Variants in ARSG observed in about 807,000 individuals in gnomAD.
ARSG encodes the protein arylsulfatase G.
Under a neutral mutation model 50.5 loss-of-function variants are expected in ARSG, and 37 were observed. The ratio of observed to expected loss-of-function variants is 0.73; its 90% CI spans 0.56 to 0.96. The LOEUF (loss-of-function observed/expected upper bound fraction) is 0.96. Ranked by LOEUF, ARSG falls within the 50% of genes least tolerant of loss-of-function variation. ARSG has a pLI of 0.00. For missense variants in ARSG, 629 were observed against 675.3 expected (o/e 0.93, Z 0.76); for synonymous variants, 225 against 254.6 (o/e 0.88, Z 1.11).
chr17:68,313,185 C>T (rs1555767329), intron 2 of ARSG, among the ~76,000 whole-genome samples: 2 of 151,980 alleles, frequency 1.3e-5, no homozygotes, highest in Non-Finnish European at 2.9e-5. Context: ...GGCGTGAACC[C>T]GGGAGGCAGA....
At chr17:68,428,696 A>G in the ARSG span, 1 of 673,748 alleles carries the variant, frequency 1.5e-6, no homozygotes, top group East Asian at 2.8e-5. Context: ...CTTGCCCACT[A>G]GAGGTTTGCC....
intron 2 of ARSG, among the ~76,000 whole-genome samples, chr17:68,335,626 G>A (rs984021453): frequency 1.3e-5 from 2 of 152,164 alleles, no homozygotes; most frequent in African/African-American, 2.4e-5. Flanking sequence ...GCTTCTGTGC[G>A]GGTATTGGGG....
At chr17:68,395,921 C>A (rs951174972) in intron 10 of ARSG, among the ~76,000 whole-genome samples, 4 of 152,066 alleles carry the variant, frequency 2.6e-5, no homozygotes, top group African/African-American at 9.7e-5. Context: ...AGTGAAAGAC[C>A]CTTTGGACAG....
At chr17:68,323,336 G>T (rs1599719359) in intron 2 of ARSG, among the ~76,000 whole-genome samples, 2 of 151,992 alleles carry the variant, frequency 1.3e-5, no homozygotes, top group African/African-American at 4.8e-5. Context: ...CTAGGAAAAG[G>T]ACTCAAATTA....
Position 68,420,337 on chromosome 17 carries a change from G to A in ARSG, c.1452G>A (p.Lys484=), listed in dbSNP as rs748809699. The part of the protein sequence containing the change: ...EYQAVLPEVR[K]VLADVLQDIA... ...AGGCTGTGCTGCCCGAGGTCAGAAAGGTTCTTGCAGACGTCCTCCAAGACA... is the reference window on the plus strand; with the variant it reads ...AGGCTGTGCTGCCCGAGGTCAGAAAAGTTCTTGCAGACGTCCTCCAAGACA... Residue 484 remains lysine (K), a synonymous_variant, in exon 12 of 12, where the codon AAG becomes AAA. Transcript: ENST00000621439. 3 of 1,613,992 alleles carry A rather than the reference G, an allele frequency of 1.9e-6. No individual in the cohort carries two copies. The highest frequency in any genetic ancestry group is 3.3e-5 in the Admixed American group (2 of 60,000).
intron 1 of ARSG, among the ~76,000 whole-genome samples, chr17:68,263,918 C>T (rs1311846948): frequency 4.6e-5 from 7 of 151,772 alleles, no homozygotes; most frequent in Non-Finnish European, 1.0e-4. Context: ...GGTGCAGTGG[C>T]GTGATCTCGA....
intron 1 of ARSG, among the ~76,000 whole-genome samples, chr17:68,295,306 A>C (rs1239766020): frequency 6.6e-6 from 1 of 151,988 alleles, no homozygotes; most frequent in East Asian, 1.9e-4. Context: ...CCGATGATTG[A>C]TTTCTGTCAT....
the ARSG span, among the ~76,000 whole-genome samples, chr17:68,432,504 T>C: frequency 6.6e-6 from 1 of 152,190 alleles, no homozygotes; most frequent in African/African-American, 2.4e-5. Context: ...GTCCCAGCAC[T>C]TTGGGAGGTT....
intron 2 of ARSG, among the ~76,000 whole-genome samples, chr17:68,327,197 C>T (rs2077540342): frequency 1.4e-5 from 2 of 144,164 alleles, no homozygotes; most frequent in African/African-American, 5.2e-5. Context: ...TTGAGTGGGG[C>T]GTGGGGGAGG....
intron 8 of ARSG, among the ~76,000 whole-genome samples, chr17:68,376,773 A>G (rs888122236): frequency 8.5e-5 from 13 of 152,128 alleles, no homozygotes; most frequent in African/African-American, 2.9e-4. Flanking sequence ...CCACTGATCC[A>G]AAATGACCAA....
At chr17:68,273,789 A>G in intron 1 of ARSG, 1 of 1,046,180 alleles carries the variant, frequency 9.6e-7, no homozygotes, top group Non-Finnish European at 1.4e-6. Context: ...GTTCAAAACT[A>G]CTGATCTGAG....
intron 1 of ARSG, among the ~76,000 whole-genome samples, chr17:68,284,698 T>C (rs781840036): frequency 2.6e-5 from 4 of 152,348 alleles, no homozygotes; most frequent in Middle Eastern, 3.4e-3. Context: ...CTTAGTATCA[T>C]TCATCCTACT....
intron 8 of ARSG, among the ~76,000 whole-genome samples, chr17:68,374,969 G>A (rs1465619458): frequency 1.3e-5 from 2 of 152,108 alleles, no homozygotes; most frequent in East Asian, 3.8e-4. Context: ...AGTGCCTACT[G>A]TTTTCTATTC....
At chr17:68,303,643 C>T (rs1332639602) in intron 1 of ARSG, among the ~76,000 whole-genome samples, 1 of 151,858 alleles carries the variant, frequency 6.6e-6, no homozygotes, top group African/African-American at 2.4e-5. Context: ...AGAGATGGGG[C>T]TTCACCATGT....
chr17:68,449,677 C>T, the ARSG span, among the ~76,000 whole-genome samples: 233 of 152,314 alleles, frequency 1.5e-3, no homozygotes, highest in Non-Finnish European at 2.9e-3. Context: ...CTTTGCCTTC[C>T]GCCATGAATC....
rs779930142 is a variant in ARSG at position 68,347,144 on chromosome 17, C to T, written c.426C>T (p.His142=). ...CTACAGGCAAATGGCATCTTGGACA[C>T]CACGGCTCTTATCACCCCAACTTCC... The part of the protein sequence containing the change: ...TGIIGKWHLG[H]HGSYHPNFRG... Residue 142 remains histidine, a synonymous_variant, in exon 4 of 12, where the codon CAC becomes CAT. Transcript: ENST00000621439. 9.3e-6 allele frequency: 15 copies of T among 1,614,086 alleles called. No homozygotes were observed. The highest frequency in any genetic ancestry group is 1.3e-5 in the Non-Finnish European group (15 of 1,179,994).
rs2078506445 is a variant in ARSG at position 68,346,427 on chromosome 17, C to G, written c.407-698C>G. 1.3e-5 allele frequency among the ~76,000 whole-genome samples: 2 copies of G among 152,278 alleles called. 1 individual carries two copies. Among genetic ancestry groups the G allele is most frequent in the South Asian group, 4.1e-4 (2 of 4,822 alleles). The stretch of plus-strand genomic sequence containing the variant: ...CGTTTGAGCGGTTTAATGCTGCCAG[C>G]GTCTCAATCTTTGTACCACATTCTT... On this transcript the variant is annotated intron_variant, in intron 3 of 11. Transcript: ENST00000621439.
downstream of ARSG, chr17:68,422,826 A>G (rs2082894569): frequency 6.6e-6 from 1 of 151,966 alleles, no homozygotes; most frequent in Non-Finnish European, 1.5e-5. Context: ...TAGTCTCACA[A>G]AATACAGAGA....
At chr17:68,326,257 A>C (rs2077498700) in intron 2 of ARSG, among the ~76,000 whole-genome samples, 1 of 152,206 alleles carries the variant, frequency 6.6e-6, no homozygotes, top group Non-Finnish European at 1.5e-5. Flanking sequence ...AGGCGAAATG[A>C]GAGCTGAAGC....
Sources: gnomAD v4.1 joint callset for allele counts (sites outside exome capture counted in the v4.1 genomes callset) on GRCh38, gnomAD v4.1.1 for gene constraint, MANE v1.5 for transcripts, NCBI Gene and HGNC (gene_info 2026-07-23, HGNC 2026-07-21) for gene names.